Variants in NPAS4 observed in about 807,000 individuals in gnomAD.
NPAS4 encodes the protein neuronal PAS domain-containing protein 4.
Under a neutral mutation model 64.0 loss-of-function variants are expected in NPAS4, and 10 were observed. That is an observed-to-expected ratio of 0.16 (90% confidence interval 0.10 to 0.26). NPAS4 has a LOEUF of 0.26. Ranked by LOEUF, NPAS4 falls within the 10% of genes least tolerant of loss-of-function variation. The pLI is 1.00. For synonymous variants in NPAS4, 441 were observed against 411.7 expected (o/e 1.07, Z -0.86); for missense variants, 886 against 992.6 (o/e 0.89, Z 1.44).
At chr11:66,414,670 G>A in the NPAS4 span, among the ~76,000 whole-genome samples, 9 of 152,200 alleles carry the variant, frequency 5.9e-5, no homozygotes, top group Non-Finnish European at 1.5e-5. Flanking sequence ...AAGGCCTCAG[G>A]AAAAGGAAAA....
At chr11:66,425,904 GA>G (rs1216517910) in intron 7 of NPAS4, 56 bp from the exon 8 acceptor site, 7 of 1,309,010 alleles carry the variant, frequency 5.3e-6, no homozygotes, top group Non-Finnish European at 7.8e-6. Flanking sequence ...TCAGCCCCAG[GA>G]TCCTCTGTGC....
chr11:66,417,952 C>T (rs1383721914), upstream of NPAS4, among the ~76,000 whole-genome samples: 1 of 152,130 alleles, frequency 6.6e-6, no homozygotes. Flanking sequence ...GAGGCAGACA[C>T]ACAGGACACA....
At chr11:66,414,268 G>A in the NPAS4 span, among the ~76,000 whole-genome samples, 1 of 152,076 alleles carries the variant, frequency 6.6e-6, no homozygotes, top group African/African-American at 2.4e-5. Context: ...GCCTCCCCAG[G>A]GCAGGTCAAG....
the NPAS4 span, among the ~76,000 whole-genome samples, chr11:66,414,432 A>G: frequency 6.6e-6 from 1 of 151,938 alleles, no homozygotes; most frequent in Non-Finnish European, 1.5e-5. Flanking sequence ...CAAAAGTTTC[A>G]TCTTTTCCCA....
the NPAS4 span, among the ~76,000 whole-genome samples, chr11:66,413,062 C>T: frequency 1.6e-4 from 24 of 152,340 alleles, no homozygotes; most frequent in African/African-American, 5.5e-4. Flanking sequence ...GCCATGGTGA[C>T]CACAGTCTAG....
chr11:66,423,325 G>A (rs1010078191), intron 5 of NPAS4, 93 bp downstream of exon 5: 2 of 951,224 alleles, frequency 2.1e-6, no homozygotes, highest in South Asian at 1.4e-5. Context: ...GAGTGATGCT[G>A]GGGAGATAAC....
upstream of NPAS4, among the ~76,000 whole-genome samples, chr11:66,418,557 G>A (rs1178205160): frequency 2.6e-5 from 4 of 152,124 alleles, no homozygotes; most frequent in African/African-American, 9.7e-5. Context: ...TTGAATCAGA[G>A]TGGGCGAACT....
At chr11:66,422,095 C>G (rs748993276) in intron 1 of NPAS4, 25 bp from the exon 2 acceptor site, 16 of 1,608,598 alleles carry the variant, frequency 9.9e-6, no homozygotes, top group Admixed American at 5.0e-5. Context: ...TTACTCCTGA[C>G]GCACTACGTC....
In NPAS4 at chr11:66,424,779, A is replaced by G; in HGVS notation, c.1889A>G (p.Asn630Ser). Residue 630 changes from asparagine to serine, a missense_variant, in exon 7 of 8, where the codon AAT becomes AGT. Asn to Ser is a conservative substitution (Grantham distance 46, BLOSUM62 1). Around this residue, in one of 3 missense-constraint regions of NPAS4, gnomAD observed 820 missense variants for 855.5 expected, o/e 0.96. Transcript: ENST00000311034. Reference sequence around the variant, plus strand: ...TTCCACTACTCTGAAAAGGAGCAGAATGAGATAGACCGTCTCATCCAGCAG... The same window carrying G: ...TTCCACTACTCTGAAAAGGAGCAGAGTGAGATAGACCGTCTCATCCAGCAG... ...SFFHYSEKEQ[N>S]EIDRLIQQIS... 3.7e-6 allele frequency: 6 copies of G among 1,614,076 alleles called. No individual in the cohort carries two copies. The highest frequency in any genetic ancestry group is 5.1e-6 in the Non-Finnish European group (6 of 1,180,014).
rs144417328 is a variant in NPAS4, at chr11:66,423,928, C to A, written c.1038C>A (p.Phe346Leu). 1 of 1,614,044 alleles carries A rather than the reference C, an allele frequency of 6.2e-7. No individual in the cohort carries two copies. Among genetic ancestry groups the A allele is most frequent in the Admixed American group, 1.7e-5 (1 of 60,020 alleles). ...GCACTCCGACCATGCTGCCCTCATT[C>A]CCTGAAAACATTCTTTCCCAGGAAG... is the stretch of plus-strand genomic sequence containing the variant. ...VLGTPTMLPS[F>L]PENILSQEEC... Residue 346 changes from phenylalanine to leucine, a missense_variant, in exon 7 of 8, where the codon TTC (phenylalanine) becomes TTA (leucine). By Grantham distance (22) the Phe-to-Leu change is conservative. This residue lies in a region of NPAS4 where 820 missense variants were observed against 855.5 expected (regional missense o/e 0.96). Transcript: ENST00000311034.
upstream of NPAS4, among the ~76,000 whole-genome samples, chr11:66,419,966 GCCCT>G (rs1856714986): frequency 6.6e-6 from 1 of 152,158 alleles, no homozygotes; most frequent in Non-Finnish European, 1.5e-5. Context: ...AGGGCGGGGA[GCCCT>G]CCGGAGCGGT....
Position 66,423,706 on chromosome 11 carries a change from C to A in NPAS4, c.937C>A (p.Pro313Thr). 6.2e-7 allele frequency: 1 copy of A among 1,614,110 alleles called. No individual in the cohort carries two copies. Among genetic ancestry groups the A allele is most frequent in the Non-Finnish European group, 8.5e-7 (1 of 1,180,014 alleles). ...GGGACCCATTACTGCCAATAACTAC[C>A]CAATCAGGTAAGCCACAAGCCAGGG... ...PEGPITANNY[P>T]ISDMEAWSLR... The change falls in exon 6 of 8, where the codon CCA (proline) becomes ACA (threonine). Residue 313 changes from proline (P) to threonine (T), a missense_variant. Coordinates refer to ENST00000311034, the MANE Select transcript of NPAS4 (RefSeq NM_178864.4).
intron 1 of NPAS4, among the ~76,000 whole-genome samples, 192 bp from the exon 2 acceptor site, chr11:66,421,928 G>A (rs1402602595): frequency 2.0e-5 from 3 of 152,240 alleles, no homozygotes; most frequent in Admixed American, 6.5e-5. Context: ...TAGAAGTCGA[G>A]GGCTTGTGGG....
chr11:66,424,272 C>T lies in NPAS4; in HGVS notation c.1382C>T (p.Pro461Leu). The change falls in exon 7 of 8, where the codon CCA becomes CTA. Residue 461 changes from proline (P) to leucine (L), a missense_variant. Physicochemically the swap from Pro to Leu is moderately conservative, Grantham distance 98. Around this residue, in one of 3 missense-constraint regions of NPAS4, gnomAD observed 820 missense variants for 855.5 expected, o/e 0.96. Coordinates refer to ENST00000311034, the MANE Select transcript of NPAS4 (RefSeq NM_178864.4). The stretch of plus-strand genomic sequence containing the variant: ...AGCACTCTTCAAGAACAGCTGACTC[C>T]AAGCACTGCGACCTTCTCTGATCAG... The part of the protein sequence containing the change: ...PSSTLQEQLT[P>L]STATFSDQLT... The T allele has an allele frequency of 6.2e-7, 1 of 1,614,154 alleles. No individual in the cohort carries two copies. Among genetic ancestry groups the T allele is most frequent in the East Asian group, 2.2e-5 (1 of 44,874 alleles).
the NPAS4 span, chr11:66,409,926 A>T: frequency 2.6e-5 from 4 of 152,284 alleles, no homozygotes; most frequent in African/African-American, 4.8e-5. Context: ...CGACCAACCA[A>T]CTAGGTTGCT....
Position 66,423,925 on chromosome 11 carries a change from A to G in NPAS4, c.1035A>G (p.Ser345=), listed in dbSNP as rs1164745890. 6.2e-7 allele frequency: 1 copy of G among 1,614,006 alleles called. No individual in the cohort carries two copies. Among genetic ancestry groups the G allele is most frequent in the Non-Finnish European group, 8.5e-7 (1 of 1,179,950 alleles). Residue 345 remains serine, a synonymous_variant, in exon 7 of 8, where the codon TCA becomes TCG. Coordinates refer to ENST00000311034, the MANE Select transcript of NPAS4 (RefSeq NM_178864.4). ...TGGGCACTCCGACCATGCTGCCCTC[A>G]TTCCCTGAAAACATTCTTTCCCAGG... ...YVLGTPTMLP[S]FPENILSQEE...
rs201452314 is a variant in NPAS4 at position 66,424,239 on chromosome 11, C to G, written c.1349C>G (p.Thr450Ser). The change falls in exon 7 of 8, where the codon ACC (threonine) becomes AGC (serine). Residue 450 changes from threonine to serine, a missense_variant. This residue lies in a region of NPAS4 where 820 missense variants were observed against 855.5 expected (regional missense o/e 0.96). Coordinates refer to ENST00000311034, the MANE Select transcript of NPAS4 (RefSeq NM_178864.4). The stretch of plus-strand genomic sequence containing the variant: ...GAGCCCTTCCAGACCCATTTGCCCA[C>G]CCCATCCAGCACTCTTCAAGAACAG... ...LHEPFQTHLP[T>S]PSSTLQEQLT... The G allele has an allele frequency of 1.2e-6, 2 of 1,614,140 alleles. No homozygotes were observed. The highest frequency in any genetic ancestry group is 3.3e-5 in the Admixed American group (2 of 60,028).
upstream of NPAS4, chr11:66,417,015 C>G (rs1397928960): frequency 6.6e-6 from 1 of 152,212 alleles, no homozygotes; most frequent in Non-Finnish European, 1.5e-5. Context: ...TGCCCCTCCC[C>G]CAGTTTCCCA....
chr11:66,416,427 G>A (rs754792991), upstream of NPAS4, among the ~76,000 whole-genome samples: 2 of 152,382 alleles, frequency 1.3e-5, no homozygotes, highest in Middle Eastern at 3.4e-3. Context: ...ACAAGCTACA[G>A]TTCACTTGAG....
Sources: gnomAD v4.1 joint callset for allele counts (sites outside exome capture counted in the v4.1 genomes callset) on GRCh38, gnomAD v4.1.1 for gene constraint, gnomAD v4.1.1 regional missense constraint, MANE v1.5 for transcripts, NCBI Gene and HGNC (gene_info 2026-07-23, HGNC 2026-07-21) for gene names.